Variants in CHL1 observed in about 807,000 individuals in gnomAD.
The protein encoded by CHL1 is neural cell adhesion molecule L1-like protein.
A neutral mutation model predicts 141.9 loss-of-function variants in CHL1; 96 were observed. That is an observed-to-expected ratio of 0.68 (90% CI 0.57 to 0.80). CHL1 has a LOEUF of 0.80. Among genes scored for constraint, CHL1 ranks in the 30% least tolerant of loss-of-function variants. The pLI is 0.00. For missense variants in CHL1, 1,820 were observed against 1,457.2 expected (o/e 1.25, Z -4.05); for synonymous variants, 613 against 502.2 (o/e 1.22, Z -2.95).
intron 3 of CHL1, among the ~76,000 whole-genome samples, chr3:325,411 A>T (rs73009535): frequency 0.1 from 15,780 of 151,842 alleles, 1,054 homozygotes; most frequent in South Asian, 0.21. Flanking sequence ...AAAAAGGAAA[A>T]ATCTATTTAC....
At chr3:240,714 T>G (rs62228323) in intron 1 of CHL1, among the ~76,000 whole-genome samples, 11,494 of 152,304 alleles carry the variant, frequency 0.075, 583 homozygotes, top group South Asian at 0.11. Context: ...CTTCTAGAAT[T>G]TTTATAGGTA....
chr3:250,731 C>G (rs1256549494), intron 2 of CHL1, among the ~76,000 whole-genome samples: 2 of 152,000 alleles, frequency 1.3e-5, no homozygotes, highest in Admixed American at 1.3e-4. Flanking sequence ...TCTTTCAGTT[C>G]CTATTTATTA....
chr3:399,531 T>G lies in CHL1; in HGVS notation c.3385+383T>G, dbSNP rs113119302. Among the ~76,000 whole-genome samples the G allele has an allele frequency of 7.2e-3, 1,094 of 152,108 alleles. 12 individuals carry two copies. Among genetic ancestry groups the G allele is most frequent in the African/African-American group, 0.025 (1,040 of 41,484 alleles). ...GGCAGCTGCCTGTAATCCCAGCTAC[T>G]CGGAAGGCTGAGACAGGAGAATCAC... is the stretch of plus-strand genomic sequence containing the variant. On this transcript the variant is annotated intron_variant, in intron 26 of 27. Coordinates refer to ENST00000256509, the MANE Select transcript of CHL1 (RefSeq NM_006614.4).
chr3:302,403 A>T (rs183959196), intron 2 of CHL1, among the ~76,000 whole-genome samples: 2 of 152,310 alleles, frequency 1.3e-5, no homozygotes. Flanking sequence ...ACTCTCCAGC[A>T]TCTGTTGTTT....
chr3:390,865 C>A, intron 21 of CHL1, 49 bp downstream of exon 21: 4 of 1,503,296 alleles, frequency 2.7e-6, no homozygotes, highest in Non-Finnish European at 3.7e-6. Context: ...GGTATCTTTC[C>A]TGAGAATAAA....
chr3:300,099 T>C (rs933948492), intron 2 of CHL1, among the ~76,000 whole-genome samples: 2 of 152,176 alleles, frequency 1.3e-5, no homozygotes, highest in Non-Finnish European at 2.9e-5. Flanking sequence ...AAACTTACTA[T>C]AATATTTCAG....
At chr3:331,597 A>G (rs1017695848) in intron 5 of CHL1, among the ~76,000 whole-genome samples, 4 of 152,116 alleles carry the variant, frequency 2.6e-5, no homozygotes, top group African/African-American at 9.7e-5. Context: ...TCAAGAATAC[A>G]TTCTCCTACA....
chr3:311,561 T>G (rs1699756177), intron 2 of CHL1, among the ~76,000 whole-genome samples: 1 of 151,912 alleles, frequency 6.6e-6, no homozygotes, highest in African/African-American at 2.4e-5. Flanking sequence ...TGCTCCCACA[T>G]AATCCAAATA....
intron 22 of CHL1, 21 bp downstream of exon 22, chr3:391,180 A>G (rs372912161): frequency 8.9e-6 from 14 of 1,565,204 alleles, no homozygotes; most frequent in East Asian, 4.5e-5. Context: ...AATGATGTAG[A>G]GTCATGTCAA....
chr3:260,929 GT>G (rs909640089), intron 2 of CHL1, among the ~76,000 whole-genome samples: 1 of 151,918 alleles, frequency 6.6e-6, no homozygotes, highest in Non-Finnish European at 1.5e-5. Context: ...AATTAGCCTG[GT>G]TTTTTTTGGA....
At chr3:246,247 T>A (rs938292920) in intron 2 of CHL1, among the ~76,000 whole-genome samples, 1 of 152,130 alleles carries the variant, frequency 6.6e-6, no homozygotes, top group Non-Finnish European at 1.5e-5. Flanking sequence ...TAATTGTGGT[T>A]GTGTCATGAT....
chr3:228,555 T>C (rs187839266), intron 1 of CHL1, among the ~76,000 whole-genome samples: 64 of 152,290 alleles, frequency 4.2e-4, no homozygotes, highest in African/African-American at 1.5e-3. Flanking sequence ...TCCATCTCTA[T>C]TTATTTTCTT....
chr3:344,707 C>G lies in CHL1; in HGVS notation c.846C>G (p.Gly282=). The change falls in exon 9 of 28, where the codon GGC becomes GGG. Residue 282 remains glycine (G), a splice_region_variant and synonymous_variant. Transcript: ENST00000256509. ...TGCTGCTTGAGTGTTTTGCTGAAGG[C>G]TTGTGAGTAACCTGACTCTCACTCA... is the stretch of plus-strand genomic sequence containing the variant. ...EILLLECFAE[G]LPTPQVDWNK... is the part of the protein sequence containing the mutation. 1 of 1,613,416 alleles carries G rather than the reference C, an allele frequency of 6.2e-7. No homozygotes were observed. Among genetic ancestry groups the G allele is most frequent in the Non-Finnish European group, 8.5e-7 (1 of 1,179,680 alleles).
rs1309009612 is a variant in CHL1 at position 401,684 on chromosome 3, C to A, written c.3444C>A (p.Thr1148=). ...DPEIQSVKDE[T]FGEYSDSDEK... is the part of the protein sequence containing the mutation. Reference sequence around the variant, plus strand: ...AAATTCAGTCAGTAAAAGATGAAACCTTTGGTGAATACAGGTAAACATAAG... The same window carrying A: ...AAATTCAGTCAGTAAAAGATGAAACATTTGGTGAATACAGGTAAACATAAG... The change falls in exon 27 of 28, where the codon ACC becomes ACA. Residue 1148 remains threonine (T), a synonymous_variant. Coordinates refer to ENST00000256509, the MANE Select transcript of CHL1 (RefSeq NM_006614.4). The A allele has an allele frequency of 6.3e-7, 1 of 1,582,260 alleles. No individual in the cohort carries two copies. The highest frequency in any genetic ancestry group is 1.8e-5 in the Admixed American group (1 of 56,216).
chr3:292,850 A>T (rs1697819333), intron 2 of CHL1, among the ~76,000 whole-genome samples: 1 of 152,182 alleles, frequency 6.6e-6, no homozygotes, highest in Non-Finnish European at 1.5e-5. Context: ...TATCATGGAC[A>T]GCACCCAGCC....
intron 2 of CHL1, among the ~76,000 whole-genome samples, chr3:260,683 A>G (rs1266325056): frequency 6.6e-6 from 1 of 152,204 alleles, no homozygotes; most frequent in African/African-American, 2.4e-5. Context: ...AGTTTGGGAA[A>G]TTTGTTCAAA....
intron 2 of CHL1, among the ~76,000 whole-genome samples, chr3:261,515 T>C (rs1381880287): frequency 1.3e-5 from 2 of 152,238 alleles, no homozygotes; most frequent in Non-Finnish European, 2.9e-5. Context: ...CTTTAAATTT[T>C]ATATTCACTA....
Position 276,660 on chromosome 3 carries a change from G to A in CHL1, c.-95+31968G>A, listed in dbSNP as rs162728. ...ATCCCAGCACTTTGGGAGGCCGAGGGGGGCGGATCACGAGGTCAGGAGATT... is the reference window on the plus strand; with the variant it reads ...ATCCCAGCACTTTGGGAGGCCGAGGAGGGCGGATCACGAGGTCAGGAGATT... On this transcript the variant is annotated intron_variant, in intron 2 of 27. Coordinates refer to ENST00000256509, the MANE Select transcript of CHL1 (RefSeq NM_006614.4). 8.1e-4 allele frequency among the ~76,000 whole-genome samples: 123 copies of A among 151,866 alleles called. 1 individual carries two copies. Among genetic ancestry groups the A allele is most frequent in the Middle Eastern group, 3.4e-3 (1 of 294 alleles).
chr3:315,709 C>G (rs1437909061), intron 2 of CHL1, among the ~76,000 whole-genome samples: 2 of 152,078 alleles, frequency 1.3e-5, no homozygotes, highest in Non-Finnish European at 2.9e-5. Context: ...TCTTATCCCA[C>G]TAGTCGTACT....
Sources: allele counts gnomAD v4.1 joint callset (sites outside exome capture counted in the v4.1 genomes callset), GRCh38; gene constraint gnomAD v4.1.1; transcripts MANE v1.5; gene names NCBI Gene and HGNC (gene_info 2026-07-23, HGNC 2026-07-21).